The following PLD1 variants were observed in gnomAD, a reference collection of about 807,000 sequenced individuals.
The protein encoded by PLD1 is choline phosphatase 1.
In PLD1, 112 loss-of-function variants were observed where a neutral mutation model predicts 137.1. The observed-to-expected ratio is 0.82, with a 90% CI of 0.70 to 0.96. The LOEUF (loss-of-function observed/expected upper bound fraction) is 0.96, where lower values mean the gene tolerates loss of function less well. PLD1 is among the 40% of genes least tolerant of loss of function. The pLI is 0.00. For missense variants in PLD1, 1,321 were observed against 1,342.0 expected (o/e 0.98, Z 0.24); for synonymous variants, 431 against 454.7 (o/e 0.95, Z 0.66).
intron 9 of PLD1, among the ~76,000 whole-genome samples, chr3:171,713,171 C>A (rs983332888): frequency 6.6e-6 from 1 of 152,190 alleles, no homozygotes; most frequent in Non-Finnish European, 1.5e-5. Flanking sequence ...TTCAAGATAT[C>A]TTTCTTGGCC....
At position 171,677,684 on chromosome 3, in the gene PLD1, G is replaced by T. The variant is rs1216719252; in HGVS notation, c.1878C>A (p.Ser626=). 1 of 1,613,860 alleles carries T rather than the reference G, an allele frequency of 6.2e-7. No homozygotes were observed. Among genetic ancestry groups the T allele is most frequent in the East Asian group, 2.2e-5 (1 of 44,874 alleles). ...CCACACCTGTCTGTAAACTACGGAT[G>T]GACCCGGTATCTGTGAATGCAGCAA... is the stretch of plus-strand genomic sequence containing the variant. ...GLTRPHADTG[S]IRSLQTGVGE... is the part of the protein sequence containing the mutation. Residue 626 remains serine (S), a synonymous_variant, in exon 17 of 27, where the codon TCC becomes TCA. Coordinates refer to ENST00000351298, the MANE Select transcript of PLD1 (RefSeq NM_002662.5).
At chr3:171,716,077 A>G (rs1314798755) in intron 8 of PLD1, among the ~76,000 whole-genome samples, 2 of 152,090 alleles carry the variant, frequency 1.3e-5, no homozygotes, top group African/African-American at 2.4e-5. Context: ...AGCTCCATCC[A>G]TGTTGCTGCA....
At chr3:171,765,609 G>A (rs1480360103) in intron 1 of PLD1, 2 of 152,172 alleles carry the variant, frequency 1.3e-5, no homozygotes, top group African/African-American at 4.8e-5. Flanking sequence ...GCTTCCATTC[G>A]AATCTACTAC....
chr3:171,687,684 G>A (rs1403020724), intron 14 of PLD1, 100 bp from the exon 15 acceptor site: 4 of 745,718 alleles, frequency 5.4e-6, no homozygotes, highest in Non-Finnish European at 8.8e-6. Flanking sequence ...TACAAATGAT[G>A]GAGGTTCTAT....
intron 13 of PLD1, among the ~76,000 whole-genome samples, chr3:171,691,407 T>C (rs748798615): frequency 6.9e-5 from 10 of 143,888 alleles, no homozygotes; most frequent in Non-Finnish European, 1.4e-4. Flanking sequence ...TACTGTCTTG[T>C]TTTGTTTGGT....
At chr3:171,638,016 T>TA (rs1360008084) in intron 23 of PLD1, among the ~76,000 whole-genome samples, 1 of 151,204 alleles carries the variant, frequency 6.6e-6, no homozygotes, top group African/African-American at 2.4e-5. Context: ...CCATCTCCAC[T>TA]AAAAAAATAC....
At chr3:171,676,083 C>G (rs1309280350) in intron 18 of PLD1, among the ~76,000 whole-genome samples, 3 of 152,234 alleles carry the variant, frequency 2.0e-5, no homozygotes, top group Non-Finnish European at 2.9e-5. Context: ...CTCAGGTGAT[C>G]CACCAGCCTA....
At chr3:171,606,643 G>A (rs564764791) in intron 25 of PLD1, among the ~76,000 whole-genome samples, 22 of 152,204 alleles carry the variant, frequency 1.4e-4, no homozygotes, top group Non-Finnish European at 2.5e-4. Context: ...ATTGACCACC[G>A]GCTTTAACAA....
chr3:171,666,056 C>T (rs1712101164), intron 19 of PLD1, among the ~76,000 whole-genome samples: 1 of 152,250 alleles, frequency 6.6e-6, no homozygotes, highest in African/African-American at 2.4e-5. Flanking sequence ...CCTTCTTGCT[C>T]TGCCTAGACC....
At chr3:171,663,467 T>C (rs1711734468) in intron 19 of PLD1, among the ~76,000 whole-genome samples, 1 of 152,232 alleles carries the variant, frequency 6.6e-6, no homozygotes, top group African/African-American at 2.4e-5. Context: ...ATTAAGTGAA[T>C]TACCGTGAAA....
intron 1 of PLD1, among the ~76,000 whole-genome samples, chr3:171,744,316 G>A (rs1214520883): frequency 1.3e-5 from 2 of 152,114 alleles, no homozygotes; most frequent in African/African-American, 4.8e-5. Flanking sequence ...CCTTCCACCT[G>A]TGCCCGTGCC....
chr3:171,605,567 G>A (rs1309923409), intron 25 of PLD1, 151 bp from the exon 26 acceptor site: 1 of 610,278 alleles, frequency 1.6e-6, no homozygotes, highest in Non-Finnish European at 2.9e-6. Context: ...TCCTCAGAGT[G>A]CCTGACATAA....
At chr3:171,692,615 G>A (rs560248341) in intron 12 of PLD1, among the ~76,000 whole-genome samples, 173 bp from the exon 13 acceptor site, 2 of 152,090 alleles carry the variant, frequency 1.3e-5, no homozygotes, top group South Asian at 2.1e-4. Context: ...CCACCTCTCG[G>A]GTTCAAGCAA....
chr3:171,698,581 G>C (rs1715960258), intron 12 of PLD1, among the ~76,000 whole-genome samples: 1 of 152,112 alleles, frequency 6.6e-6, no homozygotes, highest in Admixed American at 6.5e-5. Context: ...AAGAAGAAAT[G>C]AGTGAAAGCT....
intron 10 of PLD1, 117 bp from the exon 11 acceptor site, chr3:171,708,955 C>G: frequency 1.6e-6 from 1 of 632,646 alleles, no homozygotes; most frequent in Non-Finnish European, 2.8e-6. Context: ...AACACATAAC[C>G]ACCATTGACT....
chr3:171,686,545 A>G (rs1714575618), intron 16 of PLD1, 140 bp downstream of exon 16: 1 of 625,224 alleles, frequency 1.6e-6, no homozygotes. Flanking sequence ...CTTTGCACAG[A>G]GCAGGCTCTC....
intron 9 of PLD1, 135 bp downstream of exon 9, chr3:171,713,758 T>C: frequency 1.4e-6 from 1 of 708,514 alleles, no homozygotes; most frequent in East Asian, 2.6e-5. Context: ...AGTGGTTTCA[T>C]TACTATTGAT....
intron 21 of PLD1, among the ~76,000 whole-genome samples, chr3:171,658,368 A>G (rs1340294471): frequency 1.3e-5 from 2 of 152,206 alleles, no homozygotes; most frequent in African/African-American, 2.4e-5. Flanking sequence ...TTATAGCAGC[A>G]TTATTTATAA....
chr3:171,788,999 A>G (rs1260485224), intron 1 of PLD1: 3 of 152,284 alleles, frequency 2.0e-5, no homozygotes, highest in Non-Finnish European at 4.4e-5. Context: ...TAAAACAGAC[A>G]TTGTCCTCAA....
Sources: allele counts gnomAD v4.1 joint callset (sites outside exome capture counted in the v4.1 genomes callset), GRCh38; gene constraint gnomAD v4.1.1; transcripts MANE v1.5; gene names NCBI Gene and HGNC (gene_info 2026-07-23, HGNC 2026-07-21).